The following ACAP2 variants were observed in gnomAD, a reference collection of about 807,000 sequenced individuals.
ACAP2 encodes the protein ArfGAP with coiled-coil, ankyrin repeat and PH domains 2, also known as arf-GAP with coiled-coil, ANK repeat and PH domain-containing protein 2.
Under a neutral mutation model 115.8 loss-of-function variants are expected in ACAP2, and 39 were observed. The observed-to-expected ratio is 0.34, with a 90% CI of 0.26 to 0.44. The LOEUF (loss-of-function observed/expected upper bound fraction) is 0.44, where lower values mean the gene tolerates loss of function less well. Ranked by LOEUF, ACAP2 falls within the 20% of genes least tolerant of loss-of-function variation. The probability of loss-of-function intolerance (pLI) is 1.00; values close to 1 mark genes in which losing one functional copy is unlikely to be tolerated. For missense variants in ACAP2, 662 were observed against 927.6 expected (o/e 0.71, Z 3.72); for synonymous variants, 289 against 315.8 (o/e 0.92, Z 0.90).
intron 9 of ACAP2, chr3:195,325,410 ACTGATT>A (rs929508634): frequency 2.5e-6 from 1 of 400,240 alleles, no homozygotes; most frequent in East Asian, 7.7e-5. Flanking sequence ...TTTTTAGTGG[ACTGATT>A]TTTTTTTTTT....
intron 10 of ACAP2, among the ~76,000 whole-genome samples, chr3:195,314,574 G>T (rs150215863): frequency 6.6e-6 from 1 of 152,168 alleles, no homozygotes; most frequent in East Asian, 1.9e-4. Flanking sequence ...CAGCCAGAAG[G>T]TCTTTTTAAA....
At chr3:195,420,501 A>C (rs1714097940) in intron 1 of ACAP2, among the ~76,000 whole-genome samples, 2 of 151,882 alleles carry the variant, frequency 1.3e-5, no homozygotes, top group Non-Finnish European at 2.9e-5. Flanking sequence ...GGCGCGTGCC[A>C]CCACACCCGG....
chr3:195,296,367 A>G (rs1727657977), intron 16 of ACAP2, among the ~76,000 whole-genome samples: 1 of 152,190 alleles, frequency 6.6e-6, no homozygotes, highest in Non-Finnish European at 1.5e-5. Flanking sequence ...TTTAAGAAAT[A>G]AAATAAACTT....
chr3:195,412,911 C>T lies in ACAP2; in HGVS notation c.54-20764G>A, dbSNP rs147325624. The T allele has an allele frequency of 2.5e-4, 113 of 456,146 alleles. No homozygotes were observed. In the East Asian group the frequency reaches 6.6e-3, roughly 27 times the overall value. 28.3% of individuals were successfully genotyped at this position (456,146 alleles called of 1,614,324 possible). On this transcript the variant is annotated intron_variant, in intron 1 of 22. Transcript: ENST00000326793. Reference sequence around the variant, plus strand: ...GCGGTAAAACAAGCCCCTGCTCTCACGGCATCTAAGTGAAGGAAACACAAT... The same window carrying T: ...GCGGTAAAACAAGCCCCTGCTCTCATGGCATCTAAGTGAAGGAAACACAAT...
intron 1 of ACAP2, among the ~76,000 whole-genome samples, chr3:195,425,197 T>G (rs1269545836): frequency 6.6e-6 from 1 of 152,094 alleles, no homozygotes; most frequent in Non-Finnish European, 1.5e-5. Context: ...AAAAATACCC[T>G]GGTAGCTTAG....
chr3:195,317,484 C>T (rs1373938134), intron 10 of ACAP2, among the ~76,000 whole-genome samples: 5 of 152,176 alleles, frequency 3.3e-5, no homozygotes, highest in Non-Finnish European at 5.9e-5. Context: ...TTTTTGACTA[C>T]TTTTTTATTT....
At chr3:195,286,611 A>T (rs1193927007) in intron 21 of ACAP2, among the ~76,000 whole-genome samples, 3 of 152,216 alleles carry the variant, frequency 2.0e-5, no homozygotes, top group African/African-American at 7.2e-5. Context: ...TGGCAACTGC[A>T]GCGTGTGACA....
At chr3:195,314,484 G>A (rs1244959471) in intron 10 of ACAP2, among the ~76,000 whole-genome samples, 1 of 152,066 alleles carries the variant, frequency 6.6e-6, no homozygotes, top group Non-Finnish European at 1.5e-5. Flanking sequence ...GGCCAGGCGG[G>A]TCTTGAACGC....
chr3:195,300,671 CTCTT>C (rs1415550422), intron 15 of ACAP2, among the ~76,000 whole-genome samples: 3 of 152,064 alleles, frequency 2.0e-5, no homozygotes, highest in Non-Finnish European at 2.9e-5. Flanking sequence ...AGCAATAGAC[CTCTT>C]ATATATTTAA....
intron 1 of ACAP2, among the ~76,000 whole-genome samples, chr3:195,424,318 A>G (rs1403500859): frequency 2.8e-5 from 3 of 108,002 alleles, no homozygotes; most frequent in African/African-American, 3.8e-5. Flanking sequence ...TTTTTGAAAC[A>G]GAGTCTCGCT....
chr3:195,387,419 C>T (rs543044320), intron 2 of ACAP2, among the ~76,000 whole-genome samples: 3 of 152,122 alleles, frequency 2.0e-5, no homozygotes, highest in Non-Finnish European at 2.9e-5. Flanking sequence ...TTTTTTCATG[C>T]GCAAATTAGG....
intron 1 of ACAP2, among the ~76,000 whole-genome samples, chr3:195,433,997 C>G (rs1354931139): frequency 6.6e-6 from 1 of 152,120 alleles, no homozygotes; most frequent in Non-Finnish European, 1.5e-5. Context: ...GGCACCATCA[C>G]AGCTCACCAA....
In ACAP2 at chr3:195,297,068, C is replaced by T. The variant is rs942382971; in HGVS notation, c.1487+122G>A. The T allele has an allele frequency of 7.8e-6, 6 of 771,728 alleles. 1 individual carries two copies. In the Admixed American group the frequency reaches 1.2e-4, roughly 15 times the overall value. 47.8% of individuals were successfully genotyped at this position (771,728 alleles called of 1,614,324 possible). ...ACCGAAGAAAGAGATAGCCAACATT[C>T]GAACAGAAGTGGTAATGACTGCTTC... On this transcript the variant is annotated intron_variant, in intron 16 of 22. Transcript: ENST00000326793.
intron 6 of ACAP2, among the ~76,000 whole-genome samples, chr3:195,340,163 T>A (rs184157381): frequency 1.3e-5 from 2 of 151,080 alleles, no homozygotes; most frequent in East Asian, 3.9e-4. Flanking sequence ...GACTTAGGGC[T>A]GCAGCAAAGG....
chr3:195,350,718 G>A (rs1013760942), intron 4 of ACAP2, among the ~76,000 whole-genome samples: 12 of 151,692 alleles, frequency 7.9e-5, no homozygotes, highest in Admixed American at 7.9e-4. Flanking sequence ...CATATGGTCA[G>A]CTTTTATTCA....
In ACAP2 at chr3:195,277,304, A is replaced by G. The variant is rs1320776959; in HGVS notation, c.*2024T>C. ...TAATTTCAAGGTACATGCTAATAAAAACTACAAATCAGATTTTTGCCTTTA... is the reference window on the plus strand; with the variant it reads ...TAATTTCAAGGTACATGCTAATAAAGACTACAAATCAGATTTTTGCCTTTA... On this transcript the variant is annotated 3_prime_UTR_variant, in exon 23 of 23. Transcript: ENST00000326793. 1 of 152,218 alleles carries G rather than the reference A, an allele frequency of 6.6e-6. No individual in the cohort carries two copies. The allele number at this position is 152,218 out of a possible 1,614,324, so 9.4% of individuals were successfully genotyped here.
chr3:195,338,414 C>G (rs1730655804), intron 6 of ACAP2, among the ~76,000 whole-genome samples: 1 of 152,086 alleles, frequency 6.6e-6, no homozygotes, highest in Admixed American at 6.6e-5. Flanking sequence ...TAGCCCCCAG[C>G]AATGCTCCCA....
chr3:195,333,334 T>C (rs1397436889), intron 7 of ACAP2, among the ~76,000 whole-genome samples: 1 of 152,200 alleles, frequency 6.6e-6, no homozygotes, highest in African/African-American at 2.4e-5. Flanking sequence ...CCTAAATAGC[T>C]GGGACCACAG....
chr3:195,279,603 AG>A, intron 22 of ACAP2, 175 bp from the exon 23 acceptor site: 4 of 428,834 alleles, frequency 9.3e-6, no homozygotes. Flanking sequence ...ATGCAATGAA[AG>A]AAAAAAAAAA....
Sources: allele counts gnomAD v4.1 joint callset (sites outside exome capture counted in the v4.1 genomes callset), GRCh38; gene constraint gnomAD v4.1.1; transcripts MANE v1.5; gene names NCBI Gene and HGNC (gene_info 2026-07-23, HGNC 2026-07-21).